The following RUFY4 variants were observed in gnomAD, a reference collection of about 807,000 sequenced individuals.
RUFY4 encodes the protein RUN and FYVE domain-containing protein 4.
RUFY4 carries 73 observed loss-of-function variants against 69.0 expected under a neutral mutation model. The observed-to-expected ratio is 1.06, with a 90% CI of 0.88 to 1.29. RUFY4 has a LOEUF of 1.29. Ranked by LOEUF, RUFY4 falls within the 50% of genes most tolerant of loss-of-function variation. RUFY4 has a pLI of 0.00. For synonymous variants in RUFY4, 287 were observed against 271.8 expected, an observed-to-expected ratio of 1.06 and a Z score of -0.55; for missense variants, 770 against 705.6, an observed-to-expected ratio of 1.09 and a Z score of -1.03.
At chr2:218,040,476 A>C (rs553793497) in intron 2 of RUFY4, among the ~76,000 whole-genome samples, 1 of 152,266 alleles carries the variant, frequency 6.6e-6, no homozygotes, top group South Asian at 2.1e-4. Flanking sequence ...GGGGTAGGAC[A>C]GCTTGGCTTG....
At chr2:218,054,474 G>A (rs1689014161) in intron 2 of RUFY4, among the ~76,000 whole-genome samples, 1 of 149,156 alleles carries the variant, frequency 6.7e-6, no homozygotes, top group South Asian at 2.1e-4. Context: ...AGAATTGTTT[G>A]AACCCAGGAA....
chr2:218,056,235 T>G (rs1356257124), intron 2 of RUFY4, among the ~76,000 whole-genome samples: 4 of 151,978 alleles, frequency 2.6e-5, no homozygotes, highest in South Asian at 2.1e-4. Context: ...TGTTGTTTTT[T>G]TTTTTTTTTT....
chr2:218,089,917 A>T (rs906367814), intron 10 of RUFY4, 35 bp from the exon 13 acceptor site: 6 of 1,487,094 alleles, frequency 4.0e-6, no homozygotes, highest in Non-Finnish European at 5.5e-6. Flanking sequence ...CCAGCTGCAG[A>T]GGCCGCCCCA....
chr2:218,078,383 C>T (rs142979403), intron 8 of RUFY4, among the ~76,000 whole-genome samples: 13 of 152,232 alleles, frequency 8.5e-5, no homozygotes, highest in Non-Finnish European at 1.3e-4. Context: ...GCTGCGAGAA[C>T]AGCAAAAACA....
chr2:218,070,451 A>G (rs1035607769), upstream of RUFY4: 1 of 685,868 alleles, frequency 1.5e-6, no homozygotes, highest in Non-Finnish European at 2.6e-6. Context: ...TTCTCCCCCT[A>G]CTAGGTAACT....
chr2:218,076,312 C>T (rs1689629101), intron 7 of RUFY4, 115 bp from the exon 10 acceptor site: 1 of 1,451,518 alleles, frequency 6.9e-7, no homozygotes. Context: ...GCACTGTCCC[C>T]AGCCCTGCCA....
intron 3 of RUFY4, chr2:218,059,290 T>C (rs939150299): frequency 6.5e-6 from 1 of 154,492 alleles, no homozygotes; most frequent in African/African-American, 2.4e-5. Context: ...ATTTTACCAT[T>C]TTAGACATTT....
chr2:218,068,249 GGAGGC>G (rs1689396944), upstream of RUFY4, among the ~76,000 whole-genome samples: 1 of 150,776 alleles, frequency 6.6e-6, no homozygotes, highest in East Asian at 2.0e-4. Context: ...GGGACTGGAG[GGAGGC>G]AGGGGGCTGG....
At chr2:218,079,140 A>G (rs892780988) in intron 8 of RUFY4, among the ~76,000 whole-genome samples, 1 of 152,178 alleles carries the variant, frequency 6.6e-6, no homozygotes, top group East Asian at 1.9e-4. Context: ...AAGTGTAGAG[A>G]TTACAGGCAT....
intron 2 of RUFY4, among the ~76,000 whole-genome samples, chr2:218,053,221 C>T (rs1481551952): frequency 2.0e-5 from 3 of 152,076 alleles, no homozygotes; most frequent in Admixed American, 6.5e-5. Context: ...AACCTAACAT[C>T]GACTTTGGGA....
intron 9 of RUFY4, 59 bp from the exon 12 acceptor site, chr2:218,089,193 A>G: frequency 7.2e-7 from 1 of 1,390,084 alleles, no homozygotes; most frequent in Admixed American, 1.9e-5. Flanking sequence ...GTCTTTTCCC[A>G]TTTCTATCTT....
At chr2:218,081,518 CTGTA>C (rs967747238) in intron 8 of RUFY4, among the ~76,000 whole-genome samples, 1 of 152,182 alleles carries the variant, frequency 6.6e-6, no homozygotes, top group African/African-American at 2.4e-5. Context: ...GCCCCAAACA[CTGTA>C]AGATCCATAG....
At position 218,035,579 on chromosome 2, in the gene RUFY4, C is replaced by T. The variant is rs1442668364; in HGVS notation, c.-1158+185C>T. Among the ~76,000 whole-genome samples, 4 of 152,174 alleles carry T rather than the reference C, an allele frequency of 2.6e-5. 1 individual carries two copies. The South Asian group carries it at 6.2e-4, about 24-fold the overall frequency. On this transcript the variant is annotated intron_variant and NMD_transcript_variant, in intron 2 of 13. Transcript: ENST00000457754. ...CTGCTGTACCACTGCCACGCCACCC[C>T]AAACTCCAGCAGCCACAGCCCGGGA...
intron 10 of RUFY4, chr2:218,089,649 A>G (rs1450751569): frequency 1.4e-6 from 1 of 702,074 alleles, no homozygotes; most frequent in East Asian, 2.7e-5. Context: ...GCATCTGTAC[A>G]GCGTAAGCTG....
At chr2:218,055,080 C>T (rs1689030743) in intron 2 of RUFY4, among the ~76,000 whole-genome samples, 1 of 152,052 alleles carries the variant, frequency 6.6e-6, no homozygotes, top group African/African-American at 2.4e-5. Context: ...TTCCTAGTCT[C>T]AAAATTAAAA....
chr2:218,054,180 A>G (rs1224390841), intron 2 of RUFY4, among the ~76,000 whole-genome samples: 1 of 152,138 alleles, frequency 6.6e-6, no homozygotes, highest in Non-Finnish European at 1.5e-5. Context: ...TACTGTGTTG[A>G]TTCTTCTCTA....
At chr2:218,035,627 C>T (rs1958964198) in intron 2 of RUFY4, among the ~76,000 whole-genome samples, 1 of 152,186 alleles carries the variant, frequency 6.6e-6, no homozygotes, top group African/African-American at 2.4e-5. Context: ...GGGTTTTCCG[C>T]TCCATGCCTG....
intron 2 of RUFY4, among the ~76,000 whole-genome samples, chr2:218,051,418 A>G (rs1688940204): frequency 6.6e-6 from 1 of 152,128 alleles, no homozygotes; most frequent in East Asian, 1.9e-4. Context: ...GGTTTCTAAA[A>G]TTAAAGTTCT....
chr2:218,073,750 T>C, intron 5 of RUFY4, 66 bp from the exon 8 acceptor site: 1 of 1,549,040 alleles, frequency 6.5e-7, no homozygotes, highest in Non-Finnish European at 8.9e-7. Context: ...TGGGATACCC[T>C]CCATCTGAGG....
Sources: gnomAD v4.1 joint callset for allele counts (sites outside exome capture counted in the v4.1 genomes callset) on GRCh38, gnomAD v4.1.1 for gene constraint, MANE v1.5 for transcripts, NCBI Gene and HGNC (gene_info 2026-07-23, HGNC 2026-07-21) for gene names.